The following TUSC3 variants were observed in gnomAD, a reference collection of about 807,000 sequenced individuals.
TUSC3 encodes the protein dolichyl-diphosphooligosaccharide--protein glycosyltransferase subunit TUSC3.
TUSC3 carries 45 observed loss-of-function variants against 44.8 expected under a neutral mutation model. The ratio of observed to expected loss-of-function variants is 1.00; its 90% CI spans 0.79 to 1.29. The LOEUF is 1.29. Among genes scored for constraint, TUSC3 ranks in the 50% most tolerant of loss-of-function variants. TUSC3 has a pLI of 0.00. For missense variants in TUSC3, 519 were observed against 437.9 expected (o/e 1.19, Z -1.65); for synonymous variants, 212 against 152.9 (o/e 1.39, Z -2.85).
At chr8:15,659,382 C>T (rs1807319272) in intron 3 of TUSC3, 125 bp from the exon 4 acceptor site, 1 of 1,260,870 alleles carries the variant, frequency 7.9e-7, no homozygotes, top group South Asian at 1.4e-5. Flanking sequence ...AAATTTACCT[C>T]TGGAAAACCA....
chr8:15,627,791 A>C (rs1411092271), intron 2 of TUSC3, among the ~76,000 whole-genome samples: 1 of 152,252 alleles, frequency 6.6e-6, no homozygotes, highest in Admixed American at 6.5e-5. Context: ...GGCTGTGTGC[A>C]GTGGCCAGAC....
chr8:15,526,264 A>G (rs1207951311), intron 2 of TUSC3, among the ~76,000 whole-genome samples: 2 of 151,994 alleles, frequency 1.3e-5, no homozygotes, highest in East Asian at 3.9e-4. Context: ...CGATCTCCTG[A>G]CCTCGTGATC....
At chr8:15,550,529 C>T (rs191879276) in intron 1 of TUSC3, among the ~76,000 whole-genome samples, 37 of 151,758 alleles carry the variant, frequency 2.4e-4, no homozygotes, top group African/African-American at 8.9e-4. Flanking sequence ...TTCTCATGCT[C>T]CATTATCAAG....
intron 1 of TUSC3, among the ~76,000 whole-genome samples, chr8:15,417,779 T>C (rs1367173227): frequency 3.9e-5 from 6 of 152,176 alleles, no homozygotes; most frequent in Non-Finnish European, 8.8e-5. Flanking sequence ...TCATTTACAG[T>C]TAATGTTCCT....
At chr8:15,574,411 C>T (rs1263499544) in intron 1 of TUSC3, among the ~76,000 whole-genome samples, 1 of 152,104 alleles carries the variant, frequency 6.6e-6, no homozygotes, top group Non-Finnish European at 1.5e-5. Flanking sequence ...ATTCTTATTA[C>T]ATGTTTTGTT....
At chr8:15,657,247 T>A (rs141413440) in intron 3 of TUSC3, among the ~76,000 whole-genome samples, 1 of 152,328 alleles carries the variant, frequency 6.6e-6, no homozygotes, top group Non-Finnish European at 1.5e-5. Context: ...AATCTTTATG[T>A]TTTGCTTCCC....
At chr8:15,797,065 C>G in the TUSC3 span, among the ~76,000 whole-genome samples, 4 of 152,196 alleles carry the variant, frequency 2.6e-5, no homozygotes, top group African/African-American at 9.6e-5. Context: ...AAGAAGAGGA[C>G]AAGTCCAGAC....
At chr8:15,431,857 A>G (rs376786348) in intron 1 of TUSC3, among the ~76,000 whole-genome samples, 1 of 46,418 alleles carries the variant, frequency 2.2e-5, no homozygotes, top group African/African-American at 3.6e-5. Flanking sequence ...TATTATGTTC[A>G]GCCACTGTTA....
At chr8:15,454,296 C>T (rs1224159168) in intron 1 of TUSC3, among the ~76,000 whole-genome samples, 1 of 152,180 alleles carries the variant, frequency 6.6e-6, no homozygotes, top group Admixed American at 6.5e-5. Context: ...TCTTAATAAA[C>T]TTTCACTCCT....
the TUSC3 span, among the ~76,000 whole-genome samples, chr8:15,812,952 G>T: frequency 6.6e-6 from 1 of 151,974 alleles, no homozygotes; most frequent in Non-Finnish European, 1.5e-5. Context: ...AAATTAGCTG[G>T]GCGTGGTGGC....
the TUSC3 span, among the ~76,000 whole-genome samples, chr8:15,795,636 A>G: frequency 1.4e-3 from 215 of 152,332 alleles, 6 homozygotes; most frequent in East Asian, 0.038. Context: ...GGCTACACAC[A>G]AGAAGCACAG....
In TUSC3 at chr8:15,670,474, GA is replaced by G. The variant is rs1356100588; in HGVS notation, c.709-3272del. ...TATGGCATTTTTGATAAATATTGCCGAGCCAACTGGATATCCATATGGGAAA... is the reference window on the plus strand; with the variant it reads ...TATGGCATTTTTGATAAATATTGCCGGCCAACTGGATATCCATATGGGAAA... On this transcript the variant is annotated intron_variant, in intron 5 of 10. Transcript: ENST00000503731. 2.6e-5 allele frequency among the ~76,000 whole-genome samples: 4 copies of G among 151,682 alleles called. No individual in the cohort carries two copies. In the East Asian group the frequency reaches 7.7e-4, roughly 29 times the overall value.
At chr8:15,481,287 G>T (rs1800657621) in intron 1 of TUSC3, among the ~76,000 whole-genome samples, 1 of 150,802 alleles carries the variant, frequency 6.6e-6, no homozygotes, top group African/African-American at 2.4e-5. Flanking sequence ...TTTAAGAGGT[G>T]ATTAGGCCAT....
chr8:15,450,915 G>A (rs918006564), intron 1 of TUSC3, among the ~76,000 whole-genome samples: 3 of 152,152 alleles, frequency 2.0e-5, no homozygotes, highest in Non-Finnish European at 4.4e-5. Flanking sequence ...TGCCGCTGCT[G>A]AGTTCTGGTC....
intron 6 of TUSC3, among the ~76,000 whole-genome samples, chr8:15,712,191 T>C (rs1300610161): frequency 6.6e-6 from 1 of 152,008 alleles, no homozygotes; most frequent in Non-Finnish European, 1.5e-5. Flanking sequence ...TAGAGGCTCT[T>C]AGAGGACTTT....
intron 1 of TUSC3, among the ~76,000 whole-genome samples, chr8:15,547,260 G>C (rs988811296): frequency 1.3e-5 from 2 of 151,544 alleles, no homozygotes; most frequent in Non-Finnish European, 2.9e-5. Flanking sequence ...TGTGATTTTA[G>C]AAGTATAATT....
At chr8:15,584,989 A>G (rs183540000) in intron 1 of TUSC3, among the ~76,000 whole-genome samples, 15 of 152,338 alleles carry the variant, frequency 9.8e-5, no homozygotes, top group Admixed American at 7.8e-4. Context: ...TCTGCTTATT[A>G]AAAAGATAAC....
intron 3 of TUSC3, among the ~76,000 whole-genome samples, chr8:15,652,662 A>C (rs1053003152): frequency 1.3e-5 from 2 of 152,176 alleles, no homozygotes; most frequent in Admixed American, 6.5e-5. Flanking sequence ...GTAAGAACCA[A>C]ATATTATTTC....
chr8:15,752,571 T>C (rs1811753150), intron 9 of TUSC3, among the ~76,000 whole-genome samples: 1 of 152,140 alleles, frequency 6.6e-6, no homozygotes, highest in Non-Finnish European at 1.5e-5. Flanking sequence ...TCTGGTATTT[T>C]AGTACTGCAA....
Sources: allele counts gnomAD v4.1 joint callset (sites outside exome capture counted in the v4.1 genomes callset), GRCh38; gene constraint gnomAD v4.1.1; transcripts MANE v1.5; gene names NCBI Gene and HGNC (gene_info 2026-07-23, HGNC 2026-07-21).